The following XYLT1 variants were observed in gnomAD, a reference collection of about 807,000 sequenced individuals.
XYLT1 encodes the protein xylosyltransferase 1, also known as beta-D-xylosyltransferase 1.
XYLT1 carries 36 observed loss-of-function variants against 91.3 expected under a neutral mutation model. The ratio of observed to expected loss-of-function variants is 0.39; its 90% CI spans 0.30 to 0.52. XYLT1 has a LOEUF of 0.52. XYLT1 is among the 20% of genes least tolerant of loss of function. The probability of loss-of-function intolerance (pLI) is 0.68; values close to 1 mark genes in which losing one functional copy is unlikely to be tolerated. For missense variants in XYLT1, 1,242 were observed against 1,284.5 expected, an observed-to-expected ratio of 0.97 and a Z score of 0.51; for synonymous variants, 588 against 532.0, an observed-to-expected ratio of 1.11 and a Z score of -1.45.
At chr16:17,161,432 T>C (rs1035255020) in intron 5 of XYLT1, among the ~76,000 whole-genome samples, 1 of 151,922 alleles carries the variant, frequency 6.6e-6, no homozygotes, top group Non-Finnish European at 1.5e-5. Context: ...GGGGGACCCC[T>C]GCCTACCCCC....
At chr16:17,400,133 T>C (rs1192287020) in intron 1 of XYLT1, among the ~76,000 whole-genome samples, 1 of 152,088 alleles carries the variant, frequency 6.6e-6, no homozygotes, top group African/African-American at 2.4e-5. Context: ...TTCGGCCAGG[T>C]AGACAGGAAG....
intron 2 of XYLT1, among the ~76,000 whole-genome samples, chr16:17,348,888 C>A (rs1191787726): frequency 6.6e-6 from 1 of 152,218 alleles, no homozygotes; most frequent in Non-Finnish European, 1.5e-5. Flanking sequence ...GCTTCAGCTT[C>A]AAAGATCTTG....
At chr16:17,168,984 G>A (rs1231890052) in intron 5 of XYLT1, among the ~76,000 whole-genome samples, 1 of 152,232 alleles carries the variant, frequency 6.6e-6, no homozygotes, top group East Asian at 1.9e-4. Flanking sequence ...TTTTCTAAAT[G>A]TTCTGTGTTC....
At chr16:17,118,023 G>C in intron 10 of XYLT1, 44 bp from the exon 11 acceptor site, 5 of 1,569,548 alleles carry the variant, frequency 3.2e-6, no homozygotes, top group Non-Finnish European at 4.3e-6. Context: ...GCCTGAACTA[G>C]GGGGCTAGGT....
intron 2 of XYLT1, among the ~76,000 whole-genome samples, chr16:17,281,003 G>A (rs917965962): frequency 6.6e-6 from 1 of 152,206 alleles, no homozygotes; most frequent in Non-Finnish European, 1.5e-5. Flanking sequence ...TACTGGTTTA[G>A]TGGGTTGGGG....
At chr16:17,363,615 C>T (rs779705602) in intron 1 of XYLT1, among the ~76,000 whole-genome samples, 9 of 152,210 alleles carry the variant, frequency 5.9e-5, no homozygotes, top group East Asian at 1.9e-4. Flanking sequence ...TCCAAGCTCA[C>T]TGCAACCTCC....
intron 1 of XYLT1, among the ~76,000 whole-genome samples, chr16:17,444,900 T>C (rs915043354): frequency 7.2e-5 from 11 of 152,206 alleles, no homozygotes; most frequent in Admixed American, 3.9e-4. Flanking sequence ...TGTTCATTGA[T>C]GTGTCCCTAG....
chr16:17,439,129 T>A (rs2036499564), intron 1 of XYLT1, among the ~76,000 whole-genome samples: 1 of 152,212 alleles, frequency 6.6e-6, no homozygotes, highest in Non-Finnish European at 1.5e-5. Flanking sequence ...ATCATCATAG[T>A]GGCTAAAAGT....
In XYLT1 at chr16:17,302,223, C is replaced by A. The variant is rs767137238; in HGVS notation, c.403-42725G>T. Among the ~76,000 whole-genome samples, 7 of 152,014 alleles carry A rather than the reference C, an allele frequency of 4.6e-5. No homozygotes were observed. The South Asian group carries it at 8.3e-4, about 18-fold the overall frequency. ...CGATCTCAAAATACTACTACTACTA[C>A]TACTACTAATAATAATAATAATAAA... On this transcript the variant is annotated intron_variant, in intron 2 of 11. Coordinates refer to ENST00000261381, the MANE Select transcript of XYLT1 (RefSeq NM_022166.4).
At chr16:17,404,652 T>C (rs1032384425) in intron 1 of XYLT1, among the ~76,000 whole-genome samples, 1 of 152,058 alleles carries the variant, frequency 6.6e-6, no homozygotes, top group African/African-American at 2.4e-5. Flanking sequence ...ACAGTCAGAG[T>C]TGGCCAGGCA....
intron 2 of XYLT1, among the ~76,000 whole-genome samples, chr16:17,298,444 G>A (rs2034347404): frequency 6.6e-6 from 1 of 152,170 alleles, no homozygotes; most frequent in South Asian, 2.1e-4. Flanking sequence ...GGCTCAAGGA[G>A]CTGACGTCAT....
chr16:17,224,168 T>C (rs538472294), intron 3 of XYLT1, among the ~76,000 whole-genome samples: 74 of 152,354 alleles, frequency 4.9e-4, no homozygotes, highest in Admixed American at 1.3e-3. Flanking sequence ...CTGTGGTATA[T>C]TGGTCATCTA....
chr16:17,381,017 A>G (rs538165743), intron 1 of XYLT1, among the ~76,000 whole-genome samples: 1 of 152,286 alleles, frequency 6.6e-6, no homozygotes, highest in South Asian at 2.1e-4. Context: ...GTGGACAATG[A>G]GGGGCTATAC....
intron 5 of XYLT1, among the ~76,000 whole-genome samples, chr16:17,186,431 T>G (rs2032184013): frequency 6.6e-6 from 1 of 151,114 alleles, no homozygotes; most frequent in Non-Finnish European, 1.5e-5. Context: ...CTCCCAAGTA[T>G]CTGGCGTTAC....
chr16:17,331,972 G>A (rs1218227342), intron 2 of XYLT1, among the ~76,000 whole-genome samples: 3 of 152,162 alleles, frequency 2.0e-5, no homozygotes, highest in South Asian at 2.1e-4. Context: ...CTGGAGAGTG[G>A]GTTTCTGTTC....
At chr16:17,194,537 A>G (rs769021359) in intron 5 of XYLT1, among the ~76,000 whole-genome samples, 2 of 152,148 alleles carry the variant, frequency 1.3e-5, no homozygotes, top group Non-Finnish European at 2.9e-5. Flanking sequence ...AGACTGAGGA[A>G]CAGACAATGG....
chr16:17,159,006 A>T, intron 5 of XYLT1, 97 bp from the exon 6 acceptor site: 1 of 1,063,716 alleles, frequency 9.4e-7, no homozygotes. Flanking sequence ...GTCTGCTTGA[A>T]GCACCTTCTC....
At chr16:17,361,640 T>C (rs1343029729) in intron 1 of XYLT1, among the ~76,000 whole-genome samples, 1 of 152,212 alleles carries the variant, frequency 6.6e-6, no homozygotes, top group Non-Finnish European at 1.5e-5. Flanking sequence ...AGGAAATAAG[T>C]GACCATCAGG....
At chr16:17,458,661 T>C (rs1447719473) in intron 1 of XYLT1, among the ~76,000 whole-genome samples, 1 of 152,142 alleles carries the variant, frequency 6.6e-6, no homozygotes, top group Non-Finnish European at 1.5e-5. Flanking sequence ...GACCAAACCT[T>C]GGCCATCTCA....
Sources: gnomAD v4.1 joint callset for allele counts (sites outside exome capture counted in the v4.1 genomes callset) on GRCh38, gnomAD v4.1.1 for gene constraint, MANE v1.5 for transcripts, NCBI Gene and HGNC (gene_info 2026-07-23, HGNC 2026-07-21) for gene names.